The following IPO7 variants were observed in gnomAD, a reference collection of about 807,000 sequenced individuals.
IPO7 encodes the protein importin 7, also known as importin-7.
Under a neutral mutation model 136.4 loss-of-function variants are expected in IPO7, and 13 were observed. That is an observed-to-expected ratio of 0.10 (90% CI 0.06 to 0.15). IPO7 has a LOEUF of 0.15. Among genes scored for constraint, IPO7 ranks in the 10% least tolerant of loss-of-function variants. IPO7 has a pLI of 1.00. For missense variants in IPO7, 857 were observed against 1,240.6 expected (o/e 0.69, Z 4.65); for synonymous variants, 403 against 404.4 (o/e 1.00, Z 0.04).
chr11:9,428,347 C>T (rs770045020), intron 12 of IPO7, among the ~76,000 whole-genome samples, 193 bp from the exon 13 acceptor site: 54 of 152,172 alleles, frequency 3.5e-4, no homozygotes, highest in Middle Eastern at 6.8e-3. Flanking sequence ...AATATAAAAA[C>T]GTGAAAATGT....
At chr11:9,402,289 ACT>A (rs1295261793) in intron 1 of IPO7, among the ~76,000 whole-genome samples, 2 of 148,760 alleles carry the variant, frequency 1.3e-5, no homozygotes, top group Non-Finnish European at 3.0e-5. Context: ...AGTCTCAGCT[ACT>A]CAGGAGGCTG....
At chr11:9,442,428 G>C (rs895568438) in intron 24 of IPO7, among the ~76,000 whole-genome samples, 1 of 151,458 alleles carries the variant, frequency 6.6e-6, no homozygotes, top group Non-Finnish European at 1.5e-5. Context: ...TTGTTTGTTT[G>C]TTTGAGATGG....
chr11:9,421,796 T>C (rs1173905547), intron 8 of IPO7, among the ~76,000 whole-genome samples: 1 of 150,590 alleles, frequency 6.6e-6, no homozygotes, highest in Non-Finnish European at 1.5e-5. Flanking sequence ...TTCAAAAATG[T>C]AGCCGGGCGT....
chr11:9,433,923 CTTTT>C (rs35376155), intron 18 of IPO7, 77 bp downstream of exon 18: 1,890 of 1,038,408 alleles, frequency 1.8e-3, no homozygotes, highest in Middle Eastern at 3.1e-3. Context: ...TGAACATACA[CTTTT>C]TTTTTTTTTT....
intron 20 of IPO7, among the ~76,000 whole-genome samples, chr11:9,436,842 T>TTATATATATATATATATATATATATATA (rs1370673296): frequency 6.1e-4 from 15 of 24,452 alleles, no homozygotes; most frequent in Admixed American, 2.0e-3. Flanking sequence ...CCGCCTGATT[T>TTATATATATATATATATATATATATATA]TATATATATA....
At chr11:9,441,906 T>C (rs1178064480) in intron 23 of IPO7, among the ~76,000 whole-genome samples, 175 bp from the exon 24 acceptor site, 1 of 152,242 alleles carries the variant, frequency 6.6e-6, no homozygotes, top group Non-Finnish European at 1.5e-5. Context: ...TAGTTAATTT[T>C]TATTCCTATA....
At chr11:9,441,181 C>G (rs1057442754) in intron 23 of IPO7, among the ~76,000 whole-genome samples, 3 of 152,148 alleles carry the variant, frequency 2.0e-5, no homozygotes, top group African/African-American at 7.2e-5. Flanking sequence ...TAGCTTTAAA[C>G]AACTAATTTA....
At chr11:9,402,224 A>AC (rs886723456) in intron 1 of IPO7, among the ~76,000 whole-genome samples, 4 of 151,040 alleles carry the variant, frequency 2.6e-5, no homozygotes, top group Admixed American at 6.6e-5. Context: ...ATATAGTGAA[A>AC]CCCCGTCTCT....
chr11:9,389,949 G>T (rs922363635), intron 1 of IPO7, among the ~76,000 whole-genome samples: 1 of 152,132 alleles, frequency 6.6e-6, no homozygotes, highest in Non-Finnish European at 1.5e-5. Flanking sequence ...TAGAGACGGG[G>T]TTTCACCATG....
At chr11:9,385,402 G>GC (rs1384375813) in intron 1 of IPO7, among the ~76,000 whole-genome samples, 1 of 152,196 alleles carries the variant, frequency 6.6e-6, no homozygotes. Flanking sequence ...TCAAAGGCAA[G>GC]CCCGCGCCTC....
intron 12 of IPO7, 63 bp downstream of exon 12, chr11:9,425,325 G>T: frequency 1.0e-6 from 1 of 973,120 alleles, no homozygotes. Context: ...TAAATAGCCA[G>T]CCAGGCACAG....
intron 12 of IPO7, among the ~76,000 whole-genome samples, chr11:9,425,602 G>C (rs549315507): frequency 2.0e-5 from 3 of 152,228 alleles, no homozygotes; most frequent in Non-Finnish European, 4.4e-5. Flanking sequence ...TCCGCCGGGC[G>C]TGATGGCTCA....
chr11:9,434,086 G>T (rs914091440), intron 18 of IPO7, among the ~76,000 whole-genome samples: 15 of 152,092 alleles, frequency 9.9e-5, no homozygotes, highest in African/African-American at 3.6e-4. Flanking sequence ...ACCATGCCCG[G>T]CTAATTTTGT....
chr11:9,426,511 G>T (rs1394357829), intron 12 of IPO7, among the ~76,000 whole-genome samples: 1 of 151,844 alleles, frequency 6.6e-6, no homozygotes, highest in African/African-American at 2.4e-5. Flanking sequence ...ATTTTTCATG[G>T]GTATATACCT....
At chr11:9,434,795 C>T in intron 18 of IPO7, 139 bp from the exon 19 acceptor site, 1 of 666,238 alleles carries the variant, frequency 1.5e-6, no homozygotes. Flanking sequence ...GTGAGAGTGT[C>T]CCCCCTCCCC....
chr11:9,416,872 G>A (rs1311782808), intron 5 of IPO7, among the ~76,000 whole-genome samples, 187 bp from the exon 6 acceptor site: 1 of 152,070 alleles, frequency 6.6e-6, no homozygotes, highest in Admixed American at 6.6e-5. Context: ...CAGTAAAATG[G>A]GAATATGGCA....
At chr11:9,401,318 TAGA>T (rs1337571648) in intron 1 of IPO7, among the ~76,000 whole-genome samples, 3 of 152,066 alleles carry the variant, frequency 2.0e-5, no homozygotes, top group African/African-American at 7.2e-5. Flanking sequence ...ACAGAAAATA[TAGA>T]AGAAGGGATT....
chr11:9,419,202 A>G (rs1160068253), intron 6 of IPO7, among the ~76,000 whole-genome samples: 2 of 152,186 alleles, frequency 1.3e-5, no homozygotes, highest in African/African-American at 4.8e-5. Context: ...CTAGCGATGT[A>G]TGAGAGTGTT....
chr11:9,415,098 A>G (rs975361567), intron 5 of IPO7, among the ~76,000 whole-genome samples: 2 of 151,754 alleles, frequency 1.3e-5, no homozygotes, highest in Admixed American at 1.3e-4. Context: ...TGGGCGCATC[A>G]CCTGAGGAGG....
Sources: gnomAD v4.1 joint callset for allele counts (sites outside exome capture counted in the v4.1 genomes callset) on GRCh38, gnomAD v4.1.1 for gene constraint, MANE v1.5 for transcripts, NCBI Gene and HGNC (gene_info 2026-07-23, HGNC 2026-07-21) for gene names.